KIAA1671: variants seen among roughly 807,000 people sequenced by gnomAD.
The protein encoded by KIAA1671 is KIAA1671, also known as uncharacterized protein KIAA1671.
In KIAA1671, 52 loss-of-function variants were observed where a neutral mutation model predicts 131.2. The ratio of observed to expected loss-of-function variants is 0.40; its 90% CI spans 0.32 to 0.50. The LOEUF (loss-of-function observed/expected upper bound fraction) is 0.50, where lower values mean the gene tolerates loss of function less well. Among genes scored for constraint, KIAA1671 ranks in the 20% least tolerant of loss-of-function variants. The pLI is 0.73. For missense variants in KIAA1671, 2,360 were observed against 2,364.2 expected, an observed-to-expected ratio of 1.00 and a Z score of 0.04; for synonymous variants, 1,003 against 961.6, an observed-to-expected ratio of 1.04 and a Z score of -0.80.
intron 6 of KIAA1671, among the ~76,000 whole-genome samples, chr22:25,089,240 A>C (rs1033441251): frequency 2.6e-5 from 4 of 151,300 alleles, no homozygotes; most frequent in African/African-American, 7.3e-5. Context: ...CACAGATACC[A>C]AGGGGTGCCT....
At chr22:25,117,588 CACACA>C (rs1931734418) in intron 6 of KIAA1671, among the ~76,000 whole-genome samples, 1 of 59,566 alleles carries the variant, frequency 1.7e-5, no homozygotes, top group South Asian at 6.0e-4. Flanking sequence ...CCCCCAACCA[CACACA>C]CACACACACA....
intron 6 of KIAA1671, among the ~76,000 whole-genome samples, chr22:25,128,977 C>T (rs1185225399): frequency 6.6e-6 from 1 of 152,208 alleles, no homozygotes. Context: ...CGTTACTTAA[C>T]CCTCATAATC....
rs918623831 is a variant in KIAA1671 at position 25,168,720 on chromosome 22, G to C, written c.4531-2100G>C. ...GAAAAAAAAAAAAGTTTAGGGAGGAGATATCACCATGGGTTGCAATAGCTT... is the reference window on the plus strand; with the variant it reads ...GAAAAAAAAAAAAGTTTAGGGAGGACATATCACCATGGGTTGCAATAGCTT... On this transcript the variant is annotated intron_variant, in intron 6 of 12. Coordinates refer to ENST00000358431, the MANE Select transcript of KIAA1671 (RefSeq NM_001145206.2). Among the ~76,000 whole-genome samples the C allele has an allele frequency of 9.2e-5, 14 of 152,170 alleles. No individual in the cohort carries two copies. The East Asian group carries it at 2.5e-3, about 27-fold the overall frequency.
chr22:25,031,375 T>A (rs1926283136), intron 3 of KIAA1671, among the ~76,000 whole-genome samples: 1 of 152,084 alleles, frequency 6.6e-6, no homozygotes, highest in African/African-American at 2.4e-5. Flanking sequence ...TTTTTGCATT[T>A]TTAGTAGAGA....
At chr22:25,131,365 C>T (rs1011707097) in intron 6 of KIAA1671, among the ~76,000 whole-genome samples, 1 of 152,228 alleles carries the variant, frequency 6.6e-6, no homozygotes, top group Non-Finnish European at 1.5e-5. Flanking sequence ...TGCCTGGTAC[C>T]TCTTCAGCTC....
Position 25,196,949 on chromosome 22 carries a change from TACACACACACACAGAG to T in KIAA1671, c.*4562_*4577del, listed in dbSNP as rs1341903840. 1.3e-5 allele frequency: 2 copies of T among 151,684 alleles called. No individual in the cohort carries two copies. Among genetic ancestry groups the T allele is most frequent in the Admixed American group, 6.6e-5 (1 of 15,214 alleles). The allele number at this position is 151,684 out of a possible 1,614,324, so 9.4% of individuals were successfully genotyped here. Reference sequence around the variant, plus strand: ...GGCAGGGCGTGGAAATATATATATATACACACACACACAGAGACACACACACACACAAGTATAGTAT... The same window carrying T: ...GGCAGGGCGTGGAAATATATATATATACACACACACACACAAGTATAGTAT... On this transcript the variant is annotated 3_prime_UTR_variant, in exon 13 of 13. Transcript: ENST00000358431.
intron 6 of KIAA1671, among the ~76,000 whole-genome samples, chr22:25,103,912 C>T (rs979945456): frequency 1.3e-5 from 2 of 152,186 alleles, no homozygotes; most frequent in Admixed American, 1.3e-4. Flanking sequence ...TGCAAGTAAA[C>T]GTTTCCTGGG....
At chr22:24,959,606 A>G (rs1009197834) in intron 1 of KIAA1671, among the ~76,000 whole-genome samples, 2 of 152,182 alleles carry the variant, frequency 1.3e-5, no homozygotes, top group African/African-American at 2.4e-5. Context: ...CTTCAATGCA[A>G]TGAATATTTT....
At chr22:25,146,318 C>A (rs1276353787) in intron 6 of KIAA1671, among the ~76,000 whole-genome samples, 1 of 152,208 alleles carries the variant, frequency 6.6e-6, no homozygotes, top group East Asian at 1.9e-4. Flanking sequence ...ACTTCCATAT[C>A]AAGTAGGCTT....
chr22:24,996,972 CG>C (rs556020638), intron 1 of KIAA1671, among the ~76,000 whole-genome samples: 139 of 152,280 alleles, frequency 9.1e-4, no homozygotes, highest in South Asian at 2.9e-3. Context: ...GCAAGCCTCT[CG>C]GGGCCGAATT....
At position 25,038,950 on chromosome 22, in the gene KIAA1671, T is replaced by C; in HGVS notation, c.1820T>C (p.Phe607Ser). Residue 607 changes from phenylalanine to serine, a missense_variant, in exon 5 of 13, where the codon TTC (phenylalanine) becomes TCC (serine). Physicochemically the swap from Phe to Ser is radical, Grantham distance 155. Transcript: ENST00000358431. ...SDVTPEDDRS[F>S]QTVWATVFEH... ...GTCACTCCAGAGGATGACCGGAGCTTCCAGACTGTGTGGGCCACAGTATTT... is the reference window on the plus strand; with the variant it reads ...GTCACTCCAGAGGATGACCGGAGCTCCCAGACTGTGTGGGCCACAGTATTT... 1.3e-6 allele frequency: 2 copies of C among 1,551,702 alleles called. No individual in the cohort carries two copies. Among genetic ancestry groups the C allele is most frequent in the Non-Finnish European group, 1.7e-6 (2 of 1,147,006 alleles).
chr22:25,047,467 CTTTT>C (rs1198576836), intron 5 of KIAA1671, among the ~76,000 whole-genome samples: 2 of 120,470 alleles, frequency 1.7e-5, no homozygotes. Flanking sequence ...GCCTCTTTTC[CTTTT>C]TTTTTTTTTT....
intron 1 of KIAA1671, among the ~76,000 whole-genome samples, chr22:24,980,639 A>G (rs1377878795): frequency 6.6e-6 from 1 of 152,100 alleles, no homozygotes; most frequent in African/African-American, 2.4e-5. Flanking sequence ...TTAACGTTTT[A>G]AGAAACAACC....
intron 8 of KIAA1671, 39 bp from the exon 9 acceptor site, chr22:25,177,309 C>A: frequency 6.6e-7 from 1 of 1,522,386 alleles, no homozygotes; most frequent in Admixed American, 2.1e-5. Flanking sequence ...TTGATGGTTC[C>A]CTTGATTTTT....
intron 8 of KIAA1671, chr22:25,176,615 G>A (rs11703629): frequency 0.25 from 38,289 of 152,120 alleles, 6,091 homozygotes; most frequent in East Asian, 0.47. Context: ...ACCAGGATTC[G>A]AACCCAGCAG....
rs1009495093 is a variant in KIAA1671 at position 25,032,634 on chromosome 22, G to A, written c.1567G>A (p.Glu523Lys). The change falls in exon 4 of 13, where the codon GAA becomes AAA. Residue 523 changes from glutamate (E) to lysine (K), a missense_variant. Physicochemically the swap from Glu to Lys is moderately conservative, Grantham distance 56 (BLOSUM62 1). This residue lies in a region of KIAA1671 where 1,185 missense variants were observed against 1,126.2 expected (regional missense o/e 1.05). Transcript: ENST00000358431. ...GTTTTCAAGTTCAGCTTCCAGCAAC[G>A]AAGTCAAATATGAGAAGAGTGCTGA... ...KLFSSSASSN[E>K]VKYEKSAELS... is the part of the protein sequence containing the mutation. 7.1e-6 allele frequency: 11 copies of A among 1,546,160 alleles called. No homozygotes were observed. Among genetic ancestry groups the A allele is most frequent in the Middle Eastern group, 1.7e-4 (1 of 5,988 alleles).
At chr22:24,977,308 C>T (rs1386579870) in intron 1 of KIAA1671, among the ~76,000 whole-genome samples, 1 of 152,182 alleles carries the variant, frequency 6.6e-6, no homozygotes, top group Non-Finnish European at 1.5e-5. Context: ...CCTTTAAAGG[C>T]CCTTTGTGTC....
At chr22:25,182,486 A>T (rs1399190936) in intron 10 of KIAA1671, among the ~76,000 whole-genome samples, 1 of 151,700 alleles carries the variant, frequency 6.6e-6, no homozygotes, top group African/African-American at 2.4e-5. Flanking sequence ...TAAGTTTCAA[A>T]CGGAGTTGCA....
chr22:25,001,191 A>ATATG (rs60421755), intron 1 of KIAA1671, among the ~76,000 whole-genome samples: 102,095 of 151,532 alleles, frequency 0.67, 35,400 homozygotes, highest in African/African-American at 0.85. Context: ...ACGTGTGTAT[A>ATATG]TATGTGTGTA....
Sources: allele counts gnomAD v4.1 joint callset (sites outside exome capture counted in the v4.1 genomes callset), GRCh38; gene constraint gnomAD v4.1.1; regional missense constraint gnomAD v4.1.1; transcripts MANE v1.5; gene names NCBI Gene and HGNC (gene_info 2026-07-23, HGNC 2026-07-21).